The following GGNBP2 variants were observed in gnomAD, a reference collection of about 807,000 sequenced individuals.
The protein encoded by GGNBP2 is gametogenetin-binding protein 2.
Under a neutral mutation model 85.9 loss-of-function variants are expected in GGNBP2, and 10 were observed. The observed-to-expected ratio is 0.12, with a 90% CI of 0.07 to 0.20. The LOEUF (loss-of-function observed/expected upper bound fraction) is 0.20. GGNBP2 is among the 10% of genes least tolerant of loss of function. The pLI, the probability that GGNBP2 is intolerant of heterozygous loss-of-function variation, is 1.00. For missense variants in GGNBP2, 595 were observed against 857.8 expected (o/e 0.69, Z 3.83); for synonymous variants, 287 against 285.7 (o/e 1.00, Z -0.05).
intron 13 of GGNBP2, 32 bp downstream of exon 13, chr17:36,587,277 A>G (rs1282531122): frequency 6.2e-7 from 1 of 1,608,186 alleles, no homozygotes; most frequent in Non-Finnish European, 8.5e-7. Context: ...ACTGTACATA[A>G]CTGTTTGGGA....
intron 1 of GGNBP2, 27 bp from the exon 2 acceptor site, chr17:36,545,592 T>TACGCTCGCGGGGTTTGGCTGTTGCAGGC: frequency 1.5e-6 from 1 of 670,414 alleles, no homozygotes; most frequent in Non-Finnish European, 2.6e-6. Context: ...GGCGGGTGCT[T>TACGCTCGCGGGGTTTGGCTGTTGCAGGC]ACGCTCGCGG....
At position 36,585,524 on chromosome 17, in the gene GGNBP2, G is replaced by T. The variant is rs1170476993; in HGVS notation, c.1366+74G>T. 3 of 1,035,180 alleles carry T rather than the reference G, an allele frequency of 2.9e-6. No individual in the cohort carries two copies. In the Admixed American group the frequency reaches 7.7e-5, roughly 26 times the overall value. 64.1% of individuals were successfully genotyped at this position (1,035,180 alleles called of 1,614,324 possible). ...TTACTGTTAAATGTAAGAGCTTTTA[G>T]AGATTCTGTGAGCTAGAATTTTAAA... is the stretch of plus-strand genomic sequence containing the variant. On this transcript the variant is annotated intron_variant, in intron 10 of 13. Transcript: ENST00000613102.
intron 2 of GGNBP2, chr17:36,546,227 A>G (rs2074253493): frequency 5.7e-6 from 2 of 353,034 alleles, no homozygotes; most frequent in Admixed American, 4.6e-5. Context: ...CTACCTGTGT[A>G]TTTTCTGTTT....
intron 4 of GGNBP2, 72 bp downstream of exon 4, chr17:36,557,408 T>G: frequency 8.0e-7 from 1 of 1,242,642 alleles, no homozygotes; most frequent in Non-Finnish European, 1.2e-6. Flanking sequence ...GGCAGCTTAT[T>G]TTCTTGATGG....
At chr17:36,579,449 A>C in intron 8 of GGNBP2, 30 bp downstream of exon 8, 1 of 1,591,844 alleles carries the variant, frequency 6.3e-7, no homozygotes. Context: ...CCAGTATCTC[A>C]GATTGCTTAG....
chr17:36,571,604 G>A (rs2074525257), intron 6 of GGNBP2, among the ~76,000 whole-genome samples: 1 of 152,064 alleles, frequency 6.6e-6, no homozygotes. Flanking sequence ...CACTTTGGGA[G>A]GCCGAGGCGG....
chr17:36,572,463 C>T (rs1405961616), intron 6 of GGNBP2, among the ~76,000 whole-genome samples: 2 of 152,084 alleles, frequency 1.3e-5, no homozygotes, highest in African/African-American at 2.4e-5. Context: ...CTGAGGTGGG[C>T]GGATTGTTTG....
chr17:36,575,271 AT>A, intron 6 of GGNBP2: 1 of 581,896 alleles, frequency 1.7e-6, no homozygotes, highest in Non-Finnish European at 3.2e-6. Context: ...AAGCCACTGC[AT>A]TTCCCCATCC....
chr17:36,563,087 G>A (rs1299798735), intron 5 of GGNBP2, among the ~76,000 whole-genome samples: 1 of 150,284 alleles, frequency 6.7e-6, no homozygotes, highest in East Asian at 2.0e-4. Context: ...CCAACATGGT[G>A]AAACCCTGTC....
intron 2 of GGNBP2, among the ~76,000 whole-genome samples, chr17:36,549,110 G>A (rs1282423792): frequency 2.0e-5 from 3 of 152,094 alleles, no homozygotes; most frequent in Admixed American, 6.6e-5. Flanking sequence ...ATTTAAGAAA[G>A]TTTTATACTC....
intron 6 of GGNBP2, chr17:36,576,580 AAAAAATAT>A (rs2074587015): frequency 1.7e-4 from 5 of 30,006 alleles, no homozygotes; most frequent in East Asian, 2.5e-3. Context: ...AAAAAAAAAA[AAAAAATAT>A]ATATATATGT....
intron 6 of GGNBP2, among the ~76,000 whole-genome samples, chr17:36,572,815 T>G (rs1267879614): frequency 2.0e-5 from 3 of 152,226 alleles, no homozygotes; most frequent in African/African-American, 4.8e-5. Flanking sequence ...CAACTGAAAC[T>G]ATACGCATTG....
chr17:36,579,515 A>G (rs1469499579), intron 8 of GGNBP2, 96 bp downstream of exon 8: 5 of 1,031,916 alleles, frequency 4.8e-6, no homozygotes, highest in African/African-American at 4.7e-5. Context: ...AGGACTGTCC[A>G]TCACTGATAG....
intron 2 of GGNBP2, 132 bp downstream of exon 2, chr17:36,545,949 G>C (rs1384197696): frequency 3.1e-6 from 2 of 643,780 alleles, no homozygotes; most frequent in Non-Finnish European, 5.4e-6. Flanking sequence ...CTTCTCTTCA[G>C]CAGGCCCCAC....
At chr17:36,548,443 C>T (rs983609143) in intron 2 of GGNBP2, among the ~76,000 whole-genome samples, 7 of 149,788 alleles carry the variant, frequency 4.7e-5, no homozygotes, top group African/African-American at 1.5e-4. Flanking sequence ...GGCAAAACCC[C>T]GTCTCTACTA....
Position 36,585,552 on chromosome 17 carries a change from T to A in GGNBP2, c.1366+102T>A, listed in dbSNP as rs2074692918. On this transcript the variant is annotated intron_variant, in intron 10 of 13. Transcript: ENST00000613102. Reference sequence around the variant, plus strand: ...ATTCTGTGAGCTAGAATTTTAAAACTGCTTTATAGTTCCAAGAATATCATA... The same window carrying A: ...ATTCTGTGAGCTAGAATTTTAAAACAGCTTTATAGTTCCAAGAATATCATA... 7.5e-6 allele frequency: 6 copies of A among 796,302 alleles called. No homozygotes were observed. The South Asian group carries it at 1.2e-4, about 16-fold the overall frequency. 49.3% of individuals were successfully genotyped at this position (796,302 alleles called of 1,614,324 possible). A position where few individuals can be genotyped will look rare whatever the true frequency, so the allele number is the denominator to read the frequency against.
At chr17:36,577,243 T>A (rs1193911922) in intron 6 of GGNBP2, 1 of 152,208 alleles carries the variant, frequency 6.6e-6, no homozygotes, top group Admixed American at 6.5e-5. Context: ...TCTGATTGAT[T>A]GATATTTGGT....
chr17:36,554,686 A>G (rs1423003043), intron 2 of GGNBP2, 134 bp from the exon 3 acceptor site: 4 of 666,178 alleles, frequency 6.0e-6, no homozygotes, highest in African/African-American at 3.6e-5. Flanking sequence ...ATGTACTTGG[A>G]TTTAACAAAA....
At chr17:36,546,110 C>A in intron 2 of GGNBP2, 1 of 440,950 alleles carries the variant, frequency 2.3e-6, no homozygotes, top group Non-Finnish European at 4.0e-6. Context: ...TCAAAGCACA[C>A]ATCTCAGAGA....
Sources: gnomAD v4.1 joint callset for allele counts (sites outside exome capture counted in the v4.1 genomes callset) on GRCh38, gnomAD v4.1.1 for gene constraint, MANE v1.5 for transcripts, NCBI Gene and HGNC (gene_info 2026-07-23, HGNC 2026-07-21) for gene names.